FKBP5: variants seen among roughly 807,000 people sequenced by gnomAD.
FKBP5 encodes the protein FKBP prolyl isomerase 5.
FKBP5 carries 23 observed loss-of-function variants against 50.5 expected under a neutral mutation model. The observed-to-expected ratio is 0.46, with a 90% CI of 0.33 to 0.65. FKBP5 has a LOEUF of 0.65. FKBP5 is among the 30% of genes least tolerant of loss of function. The pLI, the probability that FKBP5 is intolerant of heterozygous loss-of-function variation, is 0.02. For synonymous variants in FKBP5, 176 were observed against 190.6 expected, an observed-to-expected ratio of 0.92 and a Z score of 0.63; for missense variants, 411 against 553.1, an observed-to-expected ratio of 0.74 and a Z score of 2.58.
chr6:35,602,667 C>A (rs1763181158), intron 5 of FKBP5, among the ~76,000 whole-genome samples: 1 of 151,912 alleles, frequency 6.6e-6, no homozygotes, highest in Admixed American at 6.6e-5. Context: ...AGAAATACTT[C>A]CAACACGCAT....
At chr6:35,576,896 T>G in intron 10 of FKBP5, 98 bp downstream of exon 10, 1 of 1,449,466 alleles carries the variant, frequency 6.9e-7, no homozygotes, top group South Asian at 1.3e-5. Context: ...TTCCCTGCTC[T>G]TGAGCCTCTT....
intron 8 of FKBP5, chr6:35,581,642 T>A: frequency 1.0e-6 from 1 of 985,276 alleles, no homozygotes; most frequent in Non-Finnish European, 1.2e-6. Flanking sequence ...GCTGAGACAA[T>A]GTGTCCACTG....
chr6:35,657,519 G>T (rs1279990219), intron 1 of FKBP5, among the ~76,000 whole-genome samples: 1 of 152,122 alleles, frequency 6.6e-6, no homozygotes, highest in Non-Finnish European at 1.5e-5. Flanking sequence ...CTATAGTTGG[G>T]AAAGTTTTCC....
chr6:35,629,978 A>G (rs1046617719), intron 3 of FKBP5, among the ~76,000 whole-genome samples: 1 of 152,180 alleles, frequency 6.6e-6, no homozygotes, highest in Non-Finnish European at 1.5e-5. Context: ...AACAGATACT[A>G]AGAATATATT....
At chr6:35,590,425 C>G (rs1049802480) in intron 7 of FKBP5, among the ~76,000 whole-genome samples, 1 of 152,108 alleles carries the variant, frequency 6.6e-6, no homozygotes, top group Non-Finnish European at 1.5e-5. Context: ...GGCACGTGGC[C>G]GAAGACAACA....
chr6:35,620,319 A>G, intron 3 of FKBP5, 45 bp from the exon 4 acceptor site: 2 of 1,578,606 alleles, frequency 1.3e-6, no homozygotes, highest in Non-Finnish European at 1.7e-6. Flanking sequence ...GCCCTATTTA[A>G]AAAGATTTAA....
chr6:35,598,079 G>A (rs1230606898), intron 5 of FKBP5, among the ~76,000 whole-genome samples: 1 of 152,124 alleles, frequency 6.6e-6, no homozygotes, highest in African/African-American at 2.4e-5. Flanking sequence ...ATATTAGGAG[G>A]TCAATTTTGG....
chr6:35,630,923 T>C (rs1352063205), intron 3 of FKBP5, among the ~76,000 whole-genome samples: 1 of 152,224 alleles, frequency 6.6e-6, no homozygotes, highest in Non-Finnish European at 1.5e-5. Context: ...AGATCATATT[T>C]GCCAAAGTGC....
chr6:35,627,037 T>G (rs1306101680), intron 3 of FKBP5, among the ~76,000 whole-genome samples: 2 of 152,214 alleles, frequency 1.3e-5, no homozygotes, highest in Non-Finnish European at 2.9e-5. Context: ...TATTTTTAAT[T>G]TTTTGAGGAA....
chr6:35,639,635 T>TGA (rs1764420382), intron 2 of FKBP5, among the ~76,000 whole-genome samples: 1 of 152,172 alleles, frequency 6.6e-6, no homozygotes, highest in Admixed American at 6.5e-5. Context: ...GCTACAAGGT[T>TGA]GAGAAGCCTT....
intron 3 of FKBP5, 47 bp downstream of exon 3, chr6:35,636,967 T>C (rs1487563676): frequency 1.3e-6 from 2 of 1,521,856 alleles, no homozygotes; most frequent in Admixed American, 4.7e-5. Context: ...ATATTACAAA[T>C]AGTAATAAAG....
chr6:35,726,727 C>A (rs966468425), intron 1 of FKBP5, among the ~76,000 whole-genome samples: 1 of 152,162 alleles, frequency 6.6e-6, no homozygotes, highest in Non-Finnish European at 1.5e-5. Flanking sequence ...TAACATCCAG[C>A]GTGTTTGTCT....
In FKBP5 at chr6:35,585,857, C is replaced by T. The variant is rs913780263; in HGVS notation, c.840+1177G>A. The T allele has an allele frequency of 6.1e-6, 6 of 985,238 alleles. No homozygotes were observed. In the African/African-American group the frequency reaches 1.0e-4, roughly 17 times the overall value. 61.0% of individuals were successfully genotyped at this position (985,238 alleles called of 1,614,324 possible). On this transcript the variant is annotated intron_variant, in intron 8 of 10. Coordinates refer to ENST00000357266, the MANE Select transcript of FKBP5 (RefSeq NM_004117.4). The stretch of plus-strand genomic sequence containing the variant: ...TCAAATTCTGAAAACACATGGTGCC[C>T]TCTGGCTGTGTTAATTTTGGGTTGA...
chr6:35,618,319 G>A (rs770459096), intron 5 of FKBP5, among the ~76,000 whole-genome samples: 42 of 152,168 alleles, frequency 2.8e-4, no homozygotes, highest in African/African-American at 9.7e-4. Flanking sequence ...TGCCTGACAC[G>A]TAGATGTTGA....
At chr6:35,621,398 G>A (rs905012892) in intron 3 of FKBP5, among the ~76,000 whole-genome samples, 4 of 151,778 alleles carry the variant, frequency 2.6e-5, no homozygotes, top group African/African-American at 7.3e-5. Context: ...CAAGACAGGC[G>A]GATCACTTGA....
rs567336257 is a variant in FKBP5, at chr6:35,596,782, T to C, written c.665+466A>G. ...AAAAATGAGTCATCTCTGTTGCCTT[T>C]AGATCCAGGAAGAATGTGCTTTTTT... On this transcript the variant is annotated intron_variant, in intron 6 of 10. Transcript: ENST00000357266. 2.0e-5 allele frequency among the ~76,000 whole-genome samples: 3 copies of C among 152,334 alleles called. No homozygotes were observed. In the East Asian group the frequency reaches 5.8e-4, roughly 29 times the overall value.
At position 35,698,524 on chromosome 6, in the gene FKBP5, G is replaced by A. The variant is rs4713912; in HGVS notation, c.-20+21804C>T. ...TAGCCGGGCTTGGTGGCAGGAGCCC[G>A]TAATCCCAGCTTCTCGGGTGGCTGA... is the stretch of plus-strand genomic sequence containing the variant. On this transcript the variant is annotated intron_variant, in intron 2 of 11. Transcript: ENST00000536438. 1.6e-3 allele frequency among the ~76,000 whole-genome samples: 236 copies of A among 151,940 alleles called. 7 individuals are homozygous for A. Among genetic ancestry groups the A allele is most frequent in the Admixed American group, 0.014 (218 of 15,216 alleles).
chr6:35,673,006 T>C (rs1430999945), intron 1 of FKBP5, among the ~76,000 whole-genome samples: 1 of 151,944 alleles, frequency 6.6e-6, no homozygotes, highest in Non-Finnish European at 1.5e-5. Flanking sequence ...TATTTAAACA[T>C]ACGTTTCCAG....
intron 1 of FKBP5, among the ~76,000 whole-genome samples, chr6:35,666,628 C>T (rs992205063): frequency 1.3e-5 from 2 of 152,048 alleles, no homozygotes; most frequent in East Asian, 1.9e-4. Flanking sequence ...CGGTGGCTCA[C>T]GCCTGTAATC....
Sources: gnomAD v4.1 joint callset for allele counts (sites outside exome capture counted in the v4.1 genomes callset) on GRCh38, gnomAD v4.1.1 for gene constraint, MANE v1.5 for transcripts, NCBI Gene and HGNC (gene_info 2026-07-23, HGNC 2026-07-21) for gene names.